PIBF1: variants seen among roughly 807,000 people sequenced by gnomAD.
The protein encoded by PIBF1 is progesterone-induced-blocking factor 1.
PIBF1 carries 90 observed loss-of-function variants against 112.5 expected under a neutral mutation model. The ratio of observed to expected loss-of-function variants is 0.80; its 90% CI spans 0.67 to 0.95. The LOEUF is 0.95. Among genes scored for constraint, PIBF1 ranks in the 40% least tolerant of loss-of-function variants. The pLI, the probability that PIBF1 is intolerant of heterozygous loss-of-function variation, is 0.00. For synonymous variants in PIBF1, 301 were observed against 288.6 expected (o/e 1.04, Z -0.44); for missense variants, 915 against 852.3 (o/e 1.07, Z -0.92).
chr13:72,825,813 C>T (rs2036782659), intron 6 of PIBF1, among the ~76,000 whole-genome samples: 1 of 151,760 alleles, frequency 6.6e-6, no homozygotes, highest in Admixed American at 6.6e-5. Flanking sequence ...TGTCTGTAAT[C>T]CTAGTGCTTT....
chr13:72,820,596 G>A (rs766439864), intron 5 of PIBF1, among the ~76,000 whole-genome samples: 4 of 152,108 alleles, frequency 2.6e-5, no homozygotes, highest in Non-Finnish European at 5.9e-5. Context: ...AATAATCAAA[G>A]TTACATTTAG....
At chr13:72,947,216 C>A (rs1188192533) in intron 14 of PIBF1, among the ~76,000 whole-genome samples, 1 of 152,222 alleles carries the variant, frequency 6.6e-6, no homozygotes, top group Non-Finnish European at 1.5e-5. Flanking sequence ...GCTGCCAAAG[C>A]TTGAGACTTG....
rs1047565915 is a variant in PIBF1, at chr13:72,795,548, A to G, written c.543A>G (p.Glu181=). The change falls in exon 4 of 18, where the codon GAA becomes GAG. Residue 181 remains glutamate, a synonymous_variant. Transcript: ENST00000326291. The part of the protein sequence containing the change: ...AFPEDQLSIP[E]YVSVRFYELV... ...CTGAAGATCAGCTTTCTATTCCTGAATATGTATCTGTAAGTATCTTATATC... is the reference window on the plus strand; with the variant it reads ...CTGAAGATCAGCTTTCTATTCCTGAGTATGTATCTGTAAGTATCTTATATC... 8 of 1,527,054 alleles carry G rather than the reference A, an allele frequency of 5.2e-6. No homozygotes were observed. The African/African-American group carries it at 9.7e-5, about 19-fold the overall frequency. 94.6% of individuals were successfully genotyped at this position (1,527,054 alleles called of 1,614,324 possible). A position where few individuals can be genotyped will look rare whatever the true frequency, so the allele number is the denominator to read the frequency against.
chr13:72,849,381 T>A (rs1327448347), intron 9 of PIBF1, among the ~76,000 whole-genome samples: 1 of 152,246 alleles, frequency 6.6e-6, no homozygotes, highest in Non-Finnish European at 1.5e-5. Flanking sequence ...ATAGCTTCTA[T>A]CAATTTTTGA....
At chr13:72,875,463 C>A (rs1463408701) in intron 10 of PIBF1, among the ~76,000 whole-genome samples, 1 of 151,708 alleles carries the variant, frequency 6.6e-6, no homozygotes, top group Non-Finnish European at 1.5e-5. Context: ...TGTAAGAAAC[C>A]ACGAAATGTG....
chr13:72,956,311 C>T (rs958451583), intron 14 of PIBF1, among the ~76,000 whole-genome samples: 2 of 151,990 alleles, frequency 1.3e-5, no homozygotes, highest in African/African-American at 4.8e-5. Flanking sequence ...TACCCTTTTT[C>T]TCCTCTTTAG....
chr13:72,831,993 T>A (rs192305040), intron 8 of PIBF1, among the ~76,000 whole-genome samples: 78 of 151,938 alleles, frequency 5.1e-4, no homozygotes, highest in African/African-American at 1.9e-3. Context: ...CCTTTACTAT[T>A]ATGTAATGCC....
chr13:72,827,059 G>C lies in PIBF1; in HGVS notation c.856G>C (p.Glu286Gln), dbSNP rs761127103. 1 of 1,605,852 alleles carries C rather than the reference G, an allele frequency of 6.2e-7. No individual in the cohort carries two copies. The highest frequency in any genetic ancestry group is 8.5e-7 in the Non-Finnish European group (1 of 1,176,144). ...AGTAATTGAGCTTAGGAGAAAACAT[G>C]AAATACTTGAAGCCTCTCACATGAT... Reference protein sequence around the residue: ...QEVIELRRKHEILEASHMIQT... With the variant: ...QEVIELRRKHQILEASHMIQT... Residue 286 changes from glutamate to glutamine, a missense_variant, in exon 7 of 18, where the codon GAA becomes CAA. Coordinates refer to ENST00000326291, the MANE Select transcript of PIBF1 (RefSeq NM_006346.4).
chr13:72,917,912 A>G (rs1427647271), intron 13 of PIBF1, among the ~76,000 whole-genome samples: 3 of 152,198 alleles, frequency 2.0e-5, no homozygotes, highest in Admixed American at 6.5e-5. Context: ...TACCAATTGT[A>G]TGTAAGGGAC....
At chr13:72,850,689 T>C (rs9543143) in intron 9 of PIBF1, among the ~76,000 whole-genome samples, 18,121 of 152,236 alleles carry the variant, frequency 0.12, 1,446 homozygotes, top group Non-Finnish European at 0.17. Flanking sequence ...TTGAAACCAA[T>C]TTGTGGTGAT....
At chr13:72,785,757 A>G (rs927084999) in intron 2 of PIBF1, among the ~76,000 whole-genome samples, 21 of 152,196 alleles carry the variant, frequency 1.4e-4, no homozygotes, top group African/African-American at 4.8e-4. Flanking sequence ...TCTCCCATTC[A>G]TTAATTCACC....
intron 14 of PIBF1, among the ~76,000 whole-genome samples, chr13:72,935,787 T>C (rs547528798): frequency 1.2e-4 from 19 of 152,200 alleles, no homozygotes; most frequent in Non-Finnish European, 2.4e-4. Flanking sequence ...TGACGAATGA[T>C]TTTGAGGATC....
chr13:72,937,967 T>G (rs1436105239), intron 14 of PIBF1, among the ~76,000 whole-genome samples: 2 of 152,364 alleles, frequency 1.3e-5, no homozygotes, highest in East Asian at 1.9e-4. Context: ...CTATTCCTTC[T>G]GGTTGATGCA....
At chr13:72,860,189 G>A (rs1009919566) in intron 10 of PIBF1, among the ~76,000 whole-genome samples, 2 of 152,086 alleles carry the variant, frequency 1.3e-5, no homozygotes, top group Admixed American at 6.6e-5. Flanking sequence ...TGTGACAACC[G>A]TGTAAAAGAG....
chr13:72,978,473 C>A (rs2043078215), intron 16 of PIBF1, among the ~76,000 whole-genome samples: 1 of 152,156 alleles, frequency 6.6e-6, no homozygotes, highest in African/African-American at 2.4e-5. Flanking sequence ...CAGAAAAAAA[C>A]TCATGATGAA....
At chr13:72,850,706 A>G (rs184245984) in intron 9 of PIBF1, among the ~76,000 whole-genome samples, 194 of 152,358 alleles carry the variant, frequency 1.3e-3, no homozygotes, top group Admixed American at 3.1e-3. Context: ...TGATTTACTG[A>G]CTAAAATATT....
chr13:73,005,501 A>G (rs1458239560), intron 17 of PIBF1, among the ~76,000 whole-genome samples: 1 of 151,690 alleles, frequency 6.6e-6, no homozygotes, highest in Non-Finnish European at 1.5e-5. Context: ...ATGATGAAAT[A>G]TAAAATAAAA....
intron 17 of PIBF1, among the ~76,000 whole-genome samples, chr13:73,012,080 A>C (rs1415614336): frequency 3.3e-5 from 5 of 152,140 alleles, no homozygotes. Context: ...GGCCGGGTGC[A>C]GTGGCTCACA....
chr13:72,986,410 C>G (rs1270526390), intron 16 of PIBF1, among the ~76,000 whole-genome samples: 1 of 152,158 alleles, frequency 6.6e-6, no homozygotes. Flanking sequence ...GGTTCCCACA[C>G]TCCTGTTTTA....
Sources: gnomAD v4.1 joint callset for allele counts (sites outside exome capture counted in the v4.1 genomes callset) on GRCh38, gnomAD v4.1.1 for gene constraint, MANE v1.5 for transcripts, NCBI Gene and HGNC (gene_info 2026-07-23, HGNC 2026-07-21) for gene names.